CCDC9: variants seen among roughly 807,000 people sequenced by gnomAD.
The protein encoded by CCDC9 is coiled-coil domain containing 9.
CCDC9 carries 52 observed loss-of-function variants against 65.6 expected under a neutral mutation model. That is an observed-to-expected ratio of 0.79 (90% CI 0.63 to 1.00). The LOEUF is 1.00. Ranked by LOEUF, CCDC9 falls within the 50% of genes least tolerant of loss-of-function variation. CCDC9 has a pLI of 0.00. For missense variants in CCDC9, 834 were observed against 757.2 expected, an observed-to-expected ratio of 1.10 and a Z score of -1.19; for synonymous variants, 332 against 280.3, an observed-to-expected ratio of 1.18 and a Z score of -1.84.
At position 47,264,846 on chromosome 19, in the gene CCDC9, A is replaced by C; in HGVS notation, c.620A>C (p.Glu207Ala). The part of the protein sequence containing the change: ...DPRRRSGPLE[E>A]SERDRREESR... Reference sequence around the variant, plus strand: ...CGGCGACGCAGCGGGCCCCTGGAGGAGTCTGAGCGGGACCGCCGGGAGGAG... The same window carrying C: ...CGGCGACGCAGCGGGCCCCTGGAGGCGTCTGAGCGGGACCGCCGGGAGGAG... Residue 207 changes from glutamate (E) to alanine (A), a missense_variant, in exon 7 of 12, where the codon GAG (glutamate) becomes GCG (alanine). Physicochemically the swap from Glu to Ala is moderately radical, Grantham distance 107. Coordinates refer to ENST00000221922, the MANE Select transcript of CCDC9 (RefSeq NM_015603.3). 2 of 1,534,612 alleles carry C rather than the reference A, an allele frequency of 1.3e-6. No individual in the cohort carries two copies. Among genetic ancestry groups the C allele is most frequent in the South Asian group, 1.3e-5 (1 of 79,498 alleles).
At chr19:47,256,836 G>A (rs961357293) in intron 1 of CCDC9, among the ~76,000 whole-genome samples, 19 of 151,894 alleles carry the variant, frequency 1.3e-4, no homozygotes, top group African/African-American at 4.4e-4. Flanking sequence ...CTGTGGGCGG[G>A]ACCTAAAAGT....
At chr19:47,275,013 C>T (rs1356582076), downstream of CCDC9, 2 of 1,479,974 alleles carry the variant, frequency 1.4e-6, no homozygotes, top group Admixed American at 2.3e-5. Flanking sequence ...GCGCTTGGCT[C>T]CGGTATGCGC....
rs1482257135 is a variant in CCDC9, at chr19:47,260,599, G to T, written c.222G>T (p.Leu74=). 2.6e-6 allele frequency: 4 copies of T among 1,529,116 alleles called. No individual in the cohort carries two copies. In the East Asian group the frequency reaches 9.0e-5, roughly 34 times the overall value. The allele number at this position is 1,529,116 out of a possible 1,614,324, so 94.7% of individuals were successfully genotyped here. The change falls in exon 5 of 12, where the codon CTG becomes CTT. Residue 74 remains leucine, a synonymous_variant. Coordinates refer to ENST00000221922, the MANE Select transcript of CCDC9 (RefSeq NM_015603.3). Reference sequence around the variant, plus strand: ...CTCCCCTCTTCCAGGAGAAGAACCTGGGTCCTTCCCGGAGGTCTCCTGGGA... The same window carrying T: ...CTCCCCTCTTCCAGGAGAAGAACCTTGGTCCTTCCCGGAGGTCTCCTGGGA... The part of the protein sequence containing the change: ...ENVAVESEKN[L]GPSRRSPGTP...
chr19:47,268,884 T>C (rs1025780411), intron 8 of CCDC9, among the ~76,000 whole-genome samples: 4 of 151,534 alleles, frequency 2.6e-5, no homozygotes, highest in African/African-American at 9.7e-5. Flanking sequence ...CACCACTGCA[T>C]TCCAGCCTGG....
Position 47,264,646 on chromosome 19 carries a change from A to G in CCDC9, c.506A>G (p.Glu169Gly). 2 of 1,605,010 alleles carry G rather than the reference A, an allele frequency of 1.2e-6. No individual in the cohort carries two copies. Among genetic ancestry groups the G allele is most frequent in the Non-Finnish European group, 1.7e-6 (2 of 1,175,952 alleles). Reference protein sequence around the residue: ...RRRQNIEKMNEEMEKIAEYER... With the variant: ...RRRQNIEKMNGEMEKIAEYER... ...AGGCAGAACATTGAGAAGATGAATG[A>G]GGAGATGGAGAAGATCGCCGAGTAT... Residue 169 changes from glutamate to glycine, a missense_variant, in exon 6 of 12, where the codon GAG becomes GGG. Coordinates refer to ENST00000221922, the MANE Select transcript of CCDC9 (RefSeq NM_015603.3).
At position 47,267,997 on chromosome 19, in the gene CCDC9, G is replaced by A. The variant is rs185383218; in HGVS notation, c.902+1205G>A. 2.6e-3 allele frequency among the ~76,000 whole-genome samples: 400 copies of A among 152,182 alleles called. 3 individuals carry two copies. The highest frequency in any genetic ancestry group is 0.021 in the South Asian group (99 of 4,826). ...TGAGTAGCTGGGATTACAGGCACGT[G>A]CCACCACATCCAGCTAATTTTTTGT... On this transcript the variant is annotated intron_variant, in intron 8 of 11. Coordinates refer to ENST00000221922, the MANE Select transcript of CCDC9 (RefSeq NM_015603.3).
rs773792508 is a variant in CCDC9, at chr19:47,264,604, A to G, written c.464A>G (p.Glu155Gly). 1 of 1,593,396 alleles carries G rather than the reference A, an allele frequency of 6.3e-7. No individual in the cohort carries two copies. Among genetic ancestry groups the G allele is most frequent in the African/African-American group, 1.3e-5 (1 of 74,642 alleles). The change falls in exon 6 of 12, where the codon GAG becomes GGG. Residue 155 changes from glutamate (E) to glycine (G), a missense_variant and splice_region_variant. Glu to Gly is a moderately conservative substitution (Grantham distance 98). Coordinates refer to ENST00000221922, the MANE Select transcript of CCDC9 (RefSeq NM_015603.3). ...GTGTCCCTATCTTTATCCCCCCAGG[A>G]GTGGGAGGAGCGGCGCAGGCAGAAC... Reference protein sequence around the residue: ...DTSISDRKSKEWEERRRQNIE... With the variant: ...DTSISDRKSKGWEERRRQNIE...
intron 5 of CCDC9, 24 bp downstream of exon 5, chr19:47,260,863 G>C (rs372091674): frequency 1.9e-6 from 3 of 1,595,788 alleles, no homozygotes; most frequent in Non-Finnish European, 8.5e-7. Flanking sequence ...AGCGCCTGGA[G>C]CCCTGGCTGA....
chr19:47,260,540 T>C, intron 4 of CCDC9, 48 bp from the exon 5 acceptor site: 1 of 1,562,364 alleles, frequency 6.4e-7, no homozygotes, highest in African/African-American at 1.4e-5. Flanking sequence ...CCTGGCCGCA[T>C]GCCTCCCTGC....
In CCDC9 at chr19:47,267,361, C is replaced by G. The variant is rs1187482409; in HGVS notation, c.902+569C>G. ...TGGGAGGATCTCAGCTCACTGCAAC[C>G]TCCGCCTCCCGTGTTCAAGCAATTC... On this transcript the variant is annotated intron_variant, in intron 8 of 11. Coordinates refer to ENST00000221922, the MANE Select transcript of CCDC9 (RefSeq NM_015603.3). Among the ~76,000 whole-genome samples the G allele has an allele frequency of 3.9e-5, 6 of 152,146 alleles. 1 individual carries two copies. The highest frequency in any genetic ancestry group is 2.6e-4 in the Admixed American group (4 of 15,262).
chr19:47,268,684 G>C (rs2059097414), intron 8 of CCDC9, among the ~76,000 whole-genome samples: 1 of 152,000 alleles, frequency 6.6e-6, no homozygotes, highest in Admixed American at 6.6e-5. Context: ...TTGGGAGGCT[G>C]AGGCAGGTGG....
rs1340059170 is a variant in CCDC9, at chr19:47,266,698, G to A, written c.808G>A (p.Glu270Lys). 1 of 1,611,166 alleles carries A rather than the reference G, an allele frequency of 6.2e-7. No individual in the cohort carries two copies. The highest frequency in any genetic ancestry group is 8.5e-7 in the Non-Finnish European group (1 of 1,178,720). ...ERSEYLRWKQEREKIDQERLQ... is the reference protein window; with the variant it reads ...ERSEYLRWKQKREKIDQERLQ... ...GTCGGAGTACCTGCGCTGGAAGCAG[G>A]AGAGGGAGAAGATCGACCAGGAGCG... The change falls in exon 8 of 12, where the codon GAG becomes AAG. Residue 270 changes from glutamate to lysine, a missense_variant. Glu to Lys is a moderately conservative substitution (Grantham distance 56, BLOSUM62 1). Coordinates refer to ENST00000221922, the MANE Select transcript of CCDC9 (RefSeq NM_015603.3).
intron 8 of CCDC9, among the ~76,000 whole-genome samples, chr19:47,267,359 A>G (rs1600286602): frequency 6.6e-6 from 1 of 151,878 alleles, no homozygotes; most frequent in African/African-American, 2.4e-5. Context: ...GCTCACTGCA[A>G]CCTCCGCCTC....
intron 10 of CCDC9, 48 bp from the exon 11 acceptor site, chr19:47,271,034 C>G (rs2059112953): frequency 7.2e-7 from 1 of 1,385,974 alleles, no homozygotes; most frequent in African/African-American, 1.5e-5. Flanking sequence ...GCCCCTTCCT[C>G]CTGTCTACTC....
At chr19:47,268,432 C>T (rs1293663310) in intron 8 of CCDC9, among the ~76,000 whole-genome samples, 3 of 152,014 alleles carry the variant, frequency 2.0e-5, no homozygotes, top group South Asian at 2.1e-4. Context: ...GCCCAGTGGT[C>T]GGGAAGCATT....
At chr19:47,272,070 A>T, downstream of CCDC9, 2 of 1,236,118 alleles carry the variant, frequency 1.6e-6, no homozygotes, top group South Asian at 4.0e-5. Flanking sequence ...CTTCCCTAGG[A>T]GGTGGCCAGT....
rs762293888 is a variant in CCDC9 at position 47,271,730 on chromosome 19, TGTGCGCGCGCGC to T, written c.*54_*65del. On this transcript the variant is annotated 3_prime_UTR_variant, in exon 12 of 12. Coordinates refer to ENST00000221922, the MANE Select transcript of CCDC9 (RefSeq NM_015603.3). The stretch of plus-strand genomic sequence containing the variant: ...GTGTGTGTGTGTGTGTGTGTGTGTG[TGTGCGCGCGCGC>T]GCGCGCGCGCGCGCGCGCTAGAGGG... 4,167 of 671,428 alleles carry T rather than the reference TGTGCGCGCGCGC, an allele frequency of 6.2e-3. 7 individuals carry two copies. The highest frequency in any genetic ancestry group is 0.023 in the South Asian group (590 of 25,514). The allele number at this position is 671,428 out of a possible 1,614,324, so 41.6% of individuals were successfully genotyped here. A position where few individuals can be genotyped will look rare whatever the true frequency, so the allele number is the denominator to read the frequency against.
downstream of CCDC9, chr19:47,272,171 T>C (rs2059128258): frequency 8.1e-7 from 1 of 1,232,790 alleles, no homozygotes; most frequent in African/African-American, 1.6e-5. Flanking sequence ...GGTGGGGGAG[T>C]GCATGGGGCA....
chr19:47,275,689 G>C (rs558158866), downstream of CCDC9: 31 of 354,220 alleles, frequency 8.8e-5, no homozygotes, highest in Admixed American at 2.4e-4. Context: ...CGACAGCCTC[G>C]GCTGCCTCGT....
Sources: allele counts gnomAD v4.1 joint callset (sites outside exome capture counted in the v4.1 genomes callset), GRCh38; gene constraint gnomAD v4.1.1; transcripts MANE v1.5; gene names NCBI Gene and HGNC (gene_info 2026-07-23, HGNC 2026-07-21).